SHTN1: variants seen among roughly 807,000 people sequenced by gnomAD.
The protein encoded by SHTN1 is shootin 1, also known as shootin-1.
Under a neutral mutation model 83.1 loss-of-function variants are expected in SHTN1, and 42 were observed. That is an observed-to-expected ratio of 0.51 (90% CI 0.39 to 0.65). The LOEUF (loss-of-function observed/expected upper bound fraction) is 0.65. Among genes scored for constraint, SHTN1 ranks in the 30% least tolerant of loss-of-function variants. The probability of loss-of-function intolerance (pLI) is 0.00; values close to 1 mark genes in which losing one functional copy is unlikely to be tolerated. For synonymous variants in SHTN1, 224 were observed against 247.7 expected (o/e 0.90, Z 0.90); for missense variants, 622 against 737.8 (o/e 0.84, Z 1.82).
intron 1 of SHTN1, among the ~76,000 whole-genome samples, chr10:117,090,040 C>G (rs1853406603): frequency 6.6e-6 from 1 of 152,126 alleles, no homozygotes; most frequent in African/African-American, 2.4e-5. Flanking sequence ...GAAGATCCTA[C>G]AATATCACTT....
At chr10:116,973,805 A>G (rs1799594093) in intron 2 of SHTN1, 10 of 1,136,980 alleles carry the variant, frequency 8.8e-6, no homozygotes, top group African/African-American at 1.6e-5. Flanking sequence ...TACAACAGTT[A>G]AAGATTTAAA....
intron 1 of SHTN1, among the ~76,000 whole-genome samples, chr10:117,071,081 A>C (rs1235511636): frequency 1.3e-5 from 2 of 152,144 alleles, no homozygotes; most frequent in African/African-American, 4.8e-5. Context: ...TTTAACAATA[A>C]AGCAGCAATT....
At chr10:117,082,280 CA>C (rs2133612756) in intron 1 of SHTN1, among the ~76,000 whole-genome samples, 1 of 119,500 alleles carries the variant, frequency 8.4e-6, no homozygotes, top group Admixed American at 9.8e-5. Context: ...TTTCTGCCTT[CA>C]TTTCGTTATG....
At chr10:116,987,350 C>T (rs1334830620) in intron 1 of SHTN1, among the ~76,000 whole-genome samples, 1 of 152,166 alleles carries the variant, frequency 6.6e-6, no homozygotes, top group Non-Finnish European at 1.5e-5. Flanking sequence ...GTTTATACAA[C>T]TTGATTCCTA....
At chr10:116,969,250 G>T (rs1478796164) in intron 2 of SHTN1, among the ~76,000 whole-genome samples, 1 of 152,006 alleles carries the variant, frequency 6.6e-6, no homozygotes, top group Non-Finnish European at 1.5e-5. Context: ...AGACCAGCTT[G>T]GCCAACATGG....
chr10:117,053,019 C>CAAAAAAAAA lies in SHTN1; in HGVS notation c.-188-4518_-188-4510dup, dbSNP rs57069034. ...TGGGCAACAGAGCAAGACTGTGTCT[C>CAAAAAAAAA]AAAAAAAAAAAGAATTAAGAATTAA... On this transcript the variant is annotated intron_variant, in intron 1 of 17. Coordinates refer to the SHTN1 transcript ENST00000392901. Among the ~76,000 whole-genome samples the CAAAAAAAAA allele has an allele frequency of 7.1e-3, 82 of 11,484 alleles. 15 individuals are homozygous for CAAAAAAAAA. Among genetic ancestry groups the CAAAAAAAAA allele is most frequent in the African/African-American group, 8.5e-3 (71 of 8,366 alleles). 7.5% of individuals were successfully genotyped at this position (11,484 alleles called of 152,430 possible).
chr10:116,970,622 G>A (rs985382569), intron 2 of SHTN1, among the ~76,000 whole-genome samples: 3 of 151,456 alleles, frequency 2.0e-5, no homozygotes, highest in African/African-American at 7.3e-5. Flanking sequence ...GCTGAGGCAG[G>A]AGAACTGCTT....
chr10:116,923,043 A>C (rs1848618912), intron 11 of SHTN1, among the ~76,000 whole-genome samples: 1 of 152,192 alleles, frequency 6.6e-6, no homozygotes, highest in Non-Finnish European at 1.5e-5. Flanking sequence ...TTCCAATTAC[A>C]TAAAGTTCAA....
intron 9 of SHTN1, among the ~76,000 whole-genome samples, chr10:116,938,054 G>C (rs1849237429): frequency 6.6e-6 from 1 of 151,828 alleles, no homozygotes; most frequent in African/African-American, 2.4e-5. Context: ...TTTCTAGTTA[G>C]CAATTCCTCT....
intron 9 of SHTN1, among the ~76,000 whole-genome samples, chr10:116,935,952 G>C (rs1377076877): frequency 7.2e-5 from 11 of 152,084 alleles, no homozygotes; most frequent in Non-Finnish European, 1.5e-4. Context: ...GTTTATTTGT[G>C]TACAGGTATT....
intron 2 of SHTN1, among the ~76,000 whole-genome samples, chr10:117,011,130 T>TAG (rs1852097203): frequency 6.6e-6 from 1 of 152,246 alleles, no homozygotes; most frequent in South Asian, 2.1e-4. Flanking sequence ...GCTATCTCTA[T>TAG]TCACATATGA....
chr10:117,100,173 G>A (rs550533546), intron 1 of SHTN1, among the ~76,000 whole-genome samples: 16 of 152,138 alleles, frequency 1.1e-4, no homozygotes, highest in African/African-American at 2.6e-4. Flanking sequence ...GCGAAACTCC[G>A]TCTCAAAAAA....
intron 1 of SHTN1, among the ~76,000 whole-genome samples, chr10:116,998,629 A>C (rs934094582): frequency 1.6e-4 from 25 of 152,202 alleles, no homozygotes; most frequent in Non-Finnish European, 2.6e-4. Flanking sequence ...AGGTGTTGAA[A>C]CATAGCTTCC....
intron 9 of SHTN1, among the ~76,000 whole-genome samples, chr10:116,933,254 G>T (rs564436250): frequency 1.3e-5 from 2 of 152,156 alleles, no homozygotes; most frequent in African/African-American, 4.8e-5. Context: ...GTGCCATAGT[G>T]GTTTGCTGCA....
intron 2 of SHTN1, among the ~76,000 whole-genome samples, chr10:116,969,532 A>T (rs1350187177): frequency 6.6e-6 from 1 of 152,228 alleles, no homozygotes; most frequent in Non-Finnish European, 1.5e-5. Context: ...CAGAATTCGG[A>T]ATAGAGGAAG....
chr10:117,060,252 T>C (rs190708702), intron 1 of SHTN1, among the ~76,000 whole-genome samples: 1 of 152,114 alleles, frequency 6.6e-6, no homozygotes, highest in East Asian at 1.9e-4. Flanking sequence ...AAAATATATA[T>C]TGTGATTTTT....
At chr10:116,935,313 G>C (rs536095488) in intron 9 of SHTN1, among the ~76,000 whole-genome samples, 61 of 152,286 alleles carry the variant, frequency 4.0e-4, no homozygotes, top group African/African-American at 1.4e-3. Context: ...GTCATAAATA[G>C]CTCTTATTAT....
intron 1 of SHTN1, among the ~76,000 whole-genome samples, chr10:116,992,078 G>A (rs971918780): frequency 2.0e-5 from 3 of 152,088 alleles, no homozygotes; most frequent in African/African-American, 7.2e-5. Context: ...AGAGGTTGAG[G>A]CTGCAGTGCG....
chr10:116,910,401 A>G (rs1456773803), intron 14 of SHTN1, among the ~76,000 whole-genome samples: 1 of 152,244 alleles, frequency 6.6e-6, no homozygotes. Context: ...AATTTTTTAT[A>G]ACTTATAAAT....
Sources: gnomAD v4.1 joint callset for allele counts (sites outside exome capture counted in the v4.1 genomes callset) on GRCh38, gnomAD v4.1.1 for gene constraint, MANE v1.5 for transcripts, NCBI Gene and HGNC (gene_info 2026-07-23, HGNC 2026-07-21) for gene names.